The following GLYAT variants were observed in gnomAD, a reference collection of about 807,000 sequenced individuals.
GLYAT encodes glycine N-acyltransferase.
A neutral mutation model predicts 22.8 loss-of-function variants in GLYAT; 25 were observed. The observed-to-expected ratio is 1.09, with a 90% CI of 0.80 to 1.53. The LOEUF (loss-of-function observed/expected upper bound fraction) is 1.53, where lower values mean the gene tolerates loss of function less well. Ranked by LOEUF, GLYAT falls within the 40% of genes most tolerant of loss-of-function variation. The probability of loss-of-function intolerance (pLI) is 0.00; values close to 1 mark genes in which losing one functional copy is unlikely to be tolerated. For synonymous variants in GLYAT, 140 were observed against 122.7 expected (o/e 1.14, Z -0.93); for missense variants, 411 against 353.9 (o/e 1.16, Z -1.29).
At position 58,715,302 on chromosome 11, in the gene GLYAT, A is replaced by G; in HGVS notation, c.189+14T>C. The G allele has an allele frequency of 8.8e-7, 1 of 1,136,110 alleles. No homozygotes were observed. The highest frequency in any genetic ancestry group is 1.2e-5 in the South Asian group (1 of 80,440). 70.4% of individuals were successfully genotyped at this position (1,136,110 alleles called of 1,614,324 possible). On this transcript the variant is annotated intron_variant, in intron 3 of 5. Transcript: ENST00000344743. ...AATATAAATATAGAAGAATATTCAC[A>G]CATGGAAACTTACCTGCTCCTGAGG...
intron 4 of GLYAT, among the ~76,000 whole-genome samples, chr11:58,711,037 G>A (rs1262822671): frequency 6.6e-6 from 1 of 152,186 alleles, no homozygotes; most frequent in Non-Finnish European, 1.5e-5. Context: ...ACTGCTAGAA[G>A]ATAATAAAGA....
At chr11:58,718,235 A>C (rs1350379610) in intron 2 of GLYAT, among the ~76,000 whole-genome samples, 1 of 152,110 alleles carries the variant, frequency 6.6e-6, no homozygotes, top group East Asian at 1.9e-4. Context: ...CCATAAGTTA[A>C]GAATACTCAC....
At chr11:58,728,353 G>A (rs191968433) in intron 1 of GLYAT, among the ~76,000 whole-genome samples, 11 of 152,112 alleles carry the variant, frequency 7.2e-5, no homozygotes, top group Admixed American at 2.0e-4. Flanking sequence ...GAGCCACTGC[G>A]CCTGGCTAAA....
chr11:58,715,551 G>T, intron 2 of GLYAT, 128 bp from the exon 3 acceptor site: 1 of 599,598 alleles, frequency 1.7e-6, no homozygotes, highest in South Asian at 2.1e-5. Flanking sequence ...GCCAAATGGA[G>T]AATCTAAGTC....
At chr11:58,718,200 T>C (rs1426306172) in intron 2 of GLYAT, among the ~76,000 whole-genome samples, 1 of 152,106 alleles carries the variant, frequency 6.6e-6, no homozygotes, top group Non-Finnish European at 1.5e-5. Context: ...AGATTCTTAT[T>C]GCACTTATGC....
intron 2 of GLYAT, among the ~76,000 whole-genome samples, chr11:58,721,074 C>T (rs1443686668): frequency 6.6e-6 from 1 of 151,606 alleles, no homozygotes; most frequent in African/African-American, 2.4e-5. Flanking sequence ...ATTTTGTATA[C>T]AATACATAAA....
At chr11:58,710,234 A>G (rs920706823) in intron 5 of GLYAT, 66 bp from the exon 6 acceptor site, 2 of 1,530,260 alleles carry the variant, frequency 1.3e-6, no homozygotes, top group African/African-American at 1.4e-5. Flanking sequence ...TGTGACCTCT[A>G]TTGTCTTGAG....
intron 3 of GLYAT, among the ~76,000 whole-genome samples, chr11:58,713,752 G>GCT (rs1360418504): frequency 6.6e-6 from 1 of 152,058 alleles, no homozygotes; most frequent in African/African-American, 2.4e-5. Context: ...GTTGGAAAAT[G>GCT]TTGCACAAAA....
chr11:58,727,727 A>C (rs955571383), intron 1 of GLYAT, among the ~76,000 whole-genome samples: 1 of 152,174 alleles, frequency 6.6e-6, no homozygotes, highest in Non-Finnish European at 1.5e-5. Context: ...GTGCATTCAG[A>C]GACAAAAAGG....
At chr11:58,729,550 T>A (rs1856850190) in intron 1 of GLYAT, among the ~76,000 whole-genome samples, 1 of 152,168 alleles carries the variant, frequency 6.6e-6, no homozygotes, top group Non-Finnish European at 1.5e-5. Context: ...CTTATCACAG[T>A]ATTTGGCACA....
chr11:58,717,850 T>A (rs1856703014), intron 2 of GLYAT, among the ~76,000 whole-genome samples: 1 of 152,096 alleles, frequency 6.6e-6, no homozygotes, highest in Admixed American at 6.6e-5. Context: ...TTAAATTGGC[T>A]TTGATGAAAC....
chr11:58,723,216 T>C (rs1196789021), intron 2 of GLYAT, among the ~76,000 whole-genome samples: 1 of 107,136 alleles, frequency 9.3e-6, no homozygotes, highest in Non-Finnish European at 2.1e-5. Flanking sequence ...CAACTAATTA[T>C]ACATACAGTG....
intron 1 of GLYAT, among the ~76,000 whole-genome samples, chr11:58,727,277 CT>C (rs1279522370): frequency 6.6e-6 from 1 of 152,072 alleles, no homozygotes; most frequent in Non-Finnish European, 1.5e-5. Context: ...CTTATCTTTG[CT>C]GCTGCACAAA....
intron 4 of GLYAT, 60 bp from the exon 5 acceptor site, chr11:58,710,821 C>A (rs1856606800): frequency 9.8e-7 from 1 of 1,016,344 alleles, no homozygotes; most frequent in Non-Finnish European, 1.6e-6. Flanking sequence ...TGAAGTTCTG[C>A]AGTGGAGTAA....
chr11:58,712,614 C>T, intron 4 of GLYAT, 146 bp downstream of exon 4: 2 of 681,760 alleles, frequency 2.9e-6, no homozygotes, highest in Non-Finnish European at 5.1e-6. Context: ...CGCTGTCCAC[C>T]ACCTTTTACA....
intron 2 of GLYAT, chr11:58,724,149 G>A (rs1856785263): frequency 3.0e-6 from 1 of 329,068 alleles, no homozygotes; most frequent in East Asian, 4.9e-5. Flanking sequence ...GCAGTGTTTA[G>A]ACTAAGGCAT....
In GLYAT at chr11:58,721,321, G is replaced by T. The variant is rs183405157; in HGVS notation, c.81+3095C>A. Among the ~76,000 whole-genome samples, 74 of 151,906 alleles carry T rather than the reference G, an allele frequency of 4.9e-4. No individual in the cohort carries two copies. The Middle Eastern group carries it at 0.024, about 49-fold the overall frequency. On this transcript the variant is annotated intron_variant, in intron 2 of 5. Transcript: ENST00000344743. ...AGAGAGAAAAAGTCTGGTGATGATAGAAGGAGATGTTTTTATTTTTCTTTT... is the reference window on the plus strand; with the variant it reads ...AGAGAGAAAAAGTCTGGTGATGATATAAGGAGATGTTTTTATTTTTCTTTT...
intron 4 of GLYAT, 31 bp from the exon 5 acceptor site, chr11:58,710,792 G>A: frequency 7.7e-7 from 1 of 1,302,700 alleles, no homozygotes; most frequent in South Asian, 1.2e-5. Flanking sequence ...AGATGAAATG[G>A]TTTAGGTATA....
intron 3 of GLYAT, 141 bp from the exon 4 acceptor site, chr11:58,713,027 T>C: frequency 1.8e-6 from 1 of 560,362 alleles, no homozygotes; most frequent in Non-Finnish European, 3.1e-6. Context: ...TATTGATACA[T>C]AATATTTGTA....
Sources: allele counts gnomAD v4.1 joint callset (sites outside exome capture counted in the v4.1 genomes callset), GRCh38; gene constraint gnomAD v4.1.1; transcripts MANE v1.5; gene names NCBI Gene and HGNC (gene_info 2026-07-23, HGNC 2026-07-21).